The following PCDH9 variants were observed in gnomAD, a reference collection of about 807,000 sequenced individuals.
PCDH9 encodes the protein protocadherin 9.
In PCDH9, 24 loss-of-function variants were observed where a neutral mutation model predicts 70.6. The observed-to-expected ratio is 0.34, with a 90% CI of 0.25 to 0.48. The LOEUF (loss-of-function observed/expected upper bound fraction) is 0.48, where lower values mean the gene tolerates loss of function less well. Among genes scored for constraint, PCDH9 ranks in the 20% least tolerant of loss-of-function variants. The pLI, the probability that PCDH9 is intolerant of heterozygous loss-of-function variation, is 0.99. For synonymous variants in PCDH9, 562 were observed against 558.5 expected (o/e 1.01, Z -0.09); for missense variants, 1,281 against 1,503.6 (o/e 0.85, Z 2.45).
chr13:66,931,923 G>C (rs147044028), intron 2 of PCDH9, among the ~76,000 whole-genome samples: 26 of 152,178 alleles, frequency 1.7e-4, no homozygotes, highest in Non-Finnish European at 3.5e-4. Context: ...CTGAAAATGA[G>C]TAAGGTACTA....
Position 66,923,578 on chromosome 13 carries a change from T to C in PCDH9, c.3037-19973A>G, listed in dbSNP as rs1002633229. ...GACATAGCTATAGGTAACTCAGATA[T>C]ACTCTTATTTTTGTTCTTTATAACT... On this transcript the variant is annotated intron_variant, in intron 2 of 4. Coordinates refer to ENST00000377865, the MANE Select transcript of PCDH9 (RefSeq NM_203487.3). Among the ~76,000 whole-genome samples the C allele has an allele frequency of 5.3e-5, 8 of 151,728 alleles. No homozygotes were observed. In the East Asian group the frequency reaches 9.7e-4, roughly 18 times the overall value.
chr13:66,412,212 A>G (rs1160140204), intron 4 of PCDH9, among the ~76,000 whole-genome samples: 1 of 152,184 alleles, frequency 6.6e-6, no homozygotes, highest in Non-Finnish European at 1.5e-5. Flanking sequence ...TCCAGGCTGG[A>G]GTGCAGTAAT....
intron 3 of PCDH9, among the ~76,000 whole-genome samples, chr13:66,884,298 C>T (rs903663904): frequency 3.3e-5 from 5 of 152,072 alleles, no homozygotes; most frequent in Non-Finnish European, 5.9e-5. Flanking sequence ...TCAACTTGGC[C>T]TCTATCAGAA....
At chr13:66,679,952 C>A (rs368858009) in intron 3 of PCDH9, among the ~76,000 whole-genome samples, 1 of 151,802 alleles carries the variant, frequency 6.6e-6, no homozygotes, top group Admixed American at 6.6e-5. Context: ...TTTTAAACAT[C>A]TTTTTTAATA....
intron 3 of PCDH9, among the ~76,000 whole-genome samples, chr13:66,707,202 G>A (rs977244474): frequency 4.6e-5 from 7 of 152,226 alleles, no homozygotes; most frequent in African/African-American, 1.7e-4. Context: ...GCAATAACAT[G>A]GTCTAGGAAC....
At chr13:67,065,444 T>G (rs2085628555) in intron 2 of PCDH9, among the ~76,000 whole-genome samples, 1 of 152,156 alleles carries the variant, frequency 6.6e-6, no homozygotes, top group Non-Finnish European at 1.5e-5. Flanking sequence ...TAGATATCAA[T>G]TAAACTTCAA....
chr13:67,113,417 A>G (rs770841772), intron 2 of PCDH9, among the ~76,000 whole-genome samples: 1 of 152,186 alleles, frequency 6.6e-6, no homozygotes, highest in Non-Finnish European at 1.5e-5. Flanking sequence ...CAACCACAAC[A>G]TTGTCAGCTG....
chr13:66,915,777 T>G (rs1368490079), intron 2 of PCDH9, among the ~76,000 whole-genome samples: 1 of 151,670 alleles, frequency 6.6e-6, no homozygotes, highest in Non-Finnish European at 1.5e-5. Flanking sequence ...GTAAATATGA[T>G]TCATCCTCTT....
chr13:66,845,803 C>T (rs1405927660), intron 3 of PCDH9, among the ~76,000 whole-genome samples: 1 of 152,182 alleles, frequency 6.6e-6, no homozygotes, highest in Non-Finnish European at 1.5e-5. Flanking sequence ...ATGTTAAGTT[C>T]TCAAACTCAA....
At chr13:67,171,663 T>C (rs932317869) in intron 2 of PCDH9, among the ~76,000 whole-genome samples, 3 of 152,168 alleles carry the variant, frequency 2.0e-5, no homozygotes, top group African/African-American at 7.2e-5. Context: ...AAACTACAAA[T>C]TTAAGAAATT....
At chr13:67,083,337 G>A (rs966198750) in intron 2 of PCDH9, among the ~76,000 whole-genome samples, 1 of 152,126 alleles carries the variant, frequency 6.6e-6, no homozygotes, top group Non-Finnish European at 1.5e-5. Flanking sequence ...ATTTGGTGAT[G>A]TCTACTGGGA....
At chr13:66,774,739 A>G (rs1452507020) in intron 3 of PCDH9, among the ~76,000 whole-genome samples, 1 of 152,188 alleles carries the variant, frequency 6.6e-6, no homozygotes, top group Non-Finnish European at 1.5e-5. Context: ...GCCTCCATTC[A>G]AGTAAAATCA....
intron 3 of PCDH9, among the ~76,000 whole-genome samples, chr13:66,792,063 C>T (rs989697542): frequency 2.0e-5 from 3 of 152,162 alleles, no homozygotes; most frequent in Admixed American, 6.5e-5. Flanking sequence ...TTTCAATTCA[C>T]GAAATTCCAA....
intron 3 of PCDH9, among the ~76,000 whole-genome samples, chr13:66,775,787 T>G (rs2079881930): frequency 6.6e-6 from 1 of 151,790 alleles, no homozygotes; most frequent in Non-Finnish European, 1.5e-5. Flanking sequence ...TTGGGGGGAG[T>G]CAAAAGTTAT....
chr13:66,731,971 TA>T (rs2079085433), intron 3 of PCDH9, among the ~76,000 whole-genome samples: 1 of 152,028 alleles, frequency 6.6e-6, no homozygotes, highest in African/African-American at 2.4e-5. Flanking sequence ...TGGAAGGCTA[TA>T]AGCAAGAGTA....
intron 3 of PCDH9, among the ~76,000 whole-genome samples, chr13:66,737,843 C>A (rs1444409355): frequency 6.6e-6 from 1 of 152,206 alleles, no homozygotes; most frequent in Non-Finnish European, 1.5e-5. Flanking sequence ...TCGGAGGGTC[C>A]TACGCCCATG....
chr13:66,900,329 T>G, intron 3 of PCDH9, among the ~76,000 whole-genome samples: 1 of 151,884 alleles, frequency 6.6e-6, no homozygotes, highest in East Asian at 1.9e-4. Flanking sequence ...CTGTCAGAAT[T>G]AAATAAGCTA....
intron 4 of PCDH9, among the ~76,000 whole-genome samples, chr13:66,465,506 C>G (rs1056581687): frequency 6.6e-6 from 1 of 151,780 alleles, no homozygotes; most frequent in Non-Finnish European, 1.5e-5. Context: ...GATTTATATA[C>G]TTCAAAATAA....
At chr13:66,700,697 T>C (rs531414755) in intron 3 of PCDH9, among the ~76,000 whole-genome samples, 278 of 151,944 alleles carry the variant, frequency 1.8e-3, no homozygotes, top group Non-Finnish European at 3.4e-3. Flanking sequence ...AGCAAACTTA[T>C]TTGTTCTGCC....
Sources: gnomAD v4.1 joint callset for allele counts (sites outside exome capture counted in the v4.1 genomes callset) on GRCh38, gnomAD v4.1.1 for gene constraint, MANE v1.5 for transcripts, NCBI Gene and HGNC (gene_info 2026-07-23, HGNC 2026-07-21) for gene names.